PPP1CB: variants seen among roughly 807,000 people sequenced by gnomAD.
PPP1CB encodes the protein protein phosphatase 1 catalytic subunit beta, also known as serine/threonine-protein phosphatase PP1-beta catalytic subunit.
A neutral mutation model predicts 43.7 loss-of-function variants in PPP1CB; 2 were observed. The observed-to-expected ratio is 0.05, with a 90% CI of 0.02 to 0.14. The LOEUF is 0.14. Ranked by LOEUF, PPP1CB falls within the 10% of genes least tolerant of loss-of-function variation. PPP1CB has a pLI of 1.00. For missense variants in PPP1CB, 84 were observed against 398.0 expected, an observed-to-expected ratio of 0.21 and a Z score of 6.71; for synonymous variants, 136 against 135.6, an observed-to-expected ratio of 1.00 and a Z score of -0.02.
intron 5 of PPP1CB, among the ~76,000 whole-genome samples, chr2:28,786,843 G>T (rs185632678): frequency 1.9e-4 from 29 of 151,798 alleles, no homozygotes; most frequent in Non-Finnish European, 3.4e-4. Context: ...AAAGAGGCTG[G>T]AAAGTATGAA....
intron 3 of PPP1CB, among the ~76,000 whole-genome samples, chr2:28,779,783 CT>C (rs1265182330): frequency 2.6e-5 from 4 of 152,044 alleles, no homozygotes. Flanking sequence ...CCTATTCAAA[CT>C]CATATCTCCT....
chr2:28,773,616 G>T (rs1214376437), intron 1 of PPP1CB, among the ~76,000 whole-genome samples: 1 of 152,218 alleles, frequency 6.6e-6, no homozygotes, highest in Non-Finnish European at 1.5e-5. Context: ...CCTCATGGAT[G>T]CTGTGATAGC....
intron 1 of PPP1CB, among the ~76,000 whole-genome samples, chr2:28,772,869 A>G (rs1217044697): frequency 6.6e-6 from 1 of 152,196 alleles, no homozygotes; most frequent in African/African-American, 2.4e-5. Flanking sequence ...TGGATTTCAG[A>G]TTAGGGATAC....
rs114382494 is a variant in PPP1CB, at chr2:28,783,785, A to G, written c.521-122A>G. 160 of 679,686 alleles carry G rather than the reference A, an allele frequency of 2.4e-4. No individual in the cohort carries two copies. In the African/African-American group the frequency reaches 2.7e-3, roughly 11 times the overall value. The allele number at this position is 679,686 out of a possible 1,614,324, so 42.1% of individuals were successfully genotyped here. ...AAAAAAAAAAGACGTTAAAAGGAACACTTTTCAGTATCTTTAATTTCACAT... is the reference window on the plus strand; with the variant it reads ...AAAAAAAAAAGACGTTAAAAGGAACGCTTTTCAGTATCTTTAATTTCACAT... On this transcript the variant is annotated intron_variant, in intron 4 of 7. Coordinates refer to ENST00000395366, the MANE Select transcript of PPP1CB (RefSeq NM_002709.3).
chr2:28,765,239 T>TA (rs1475729973), intron 1 of PPP1CB, among the ~76,000 whole-genome samples: 2 of 152,232 alleles, frequency 1.3e-5, no homozygotes, highest in African/African-American at 4.8e-5. Flanking sequence ...GATTCAAAGT[T>TA]AATGTTCTCT....
chr2:28,756,416 C>T (rs777927850), intron 1 of PPP1CB, among the ~76,000 whole-genome samples: 1 of 152,162 alleles, frequency 6.6e-6, no homozygotes, highest in African/African-American at 2.4e-5. Flanking sequence ...TGTGACACTG[C>T]TTGTGATCTC....
chr2:28,802,878 T>C lies in PPP1CB; in HGVS notation c.*3575T>C, dbSNP rs894020548. On this transcript the variant is annotated 3_prime_UTR_variant, in exon 8 of 8. Transcript: ENST00000395366. ...GACCGTAAGCTTTTTAAGTTTCTCA[T>C]TGTAATTTACCTTCTCATGCAGATT... The C allele has an allele frequency of 1.3e-5, 2 of 152,238 alleles. No individual in the cohort carries two copies. The highest frequency in any genetic ancestry group is 4.8e-5 in the African/African-American group (2 of 41,468). The allele number at this position is 152,238 out of a possible 1,614,324, so 9.4% of individuals were successfully genotyped here.
chr2:28,773,410 G>A (rs945805845), intron 1 of PPP1CB, among the ~76,000 whole-genome samples: 1 of 152,114 alleles, frequency 6.6e-6, no homozygotes, highest in African/African-American at 2.4e-5. Context: ...TATAAAACCT[G>A]GGCACTGTGA....
intron 6 of PPP1CB, among the ~76,000 whole-genome samples, chr2:28,789,755 C>T (rs951096297): frequency 2.0e-5 from 3 of 151,688 alleles, no homozygotes; most frequent in South Asian, 2.1e-4. Flanking sequence ...CGCACCACCA[C>T]GCCTGGCTCA....
At chr2:28,753,119 G>T (rs774500047) in intron 1 of PPP1CB, among the ~76,000 whole-genome samples, 5 of 152,176 alleles carry the variant, frequency 3.3e-5, no homozygotes, top group Non-Finnish European at 7.3e-5. Context: ...GCAGTCTTCT[G>T]CCAAACAGTC....
chr2:28,796,449 A>G (rs574495519), intron 7 of PPP1CB, among the ~76,000 whole-genome samples: 1 of 152,198 alleles, frequency 6.6e-6, no homozygotes, highest in South Asian at 2.1e-4. Context: ...ATTTGTTTGC[A>G]TCACCTCTGA....
At chr2:28,775,648 A>T (rs1667022290) in intron 1 of PPP1CB, among the ~76,000 whole-genome samples, 1 of 152,102 alleles carries the variant, frequency 6.6e-6, no homozygotes, top group African/African-American at 2.4e-5. Flanking sequence ...AAGTGCTGGG[A>T]TTACAGGGGC....
chr2:28,773,218 A>G (rs933929345), intron 1 of PPP1CB, among the ~76,000 whole-genome samples: 5 of 152,224 alleles, frequency 3.3e-5, no homozygotes, highest in Non-Finnish European at 7.3e-5. Context: ...TCTAAACAGT[A>G]GTAAGTATGG....
intron 7 of PPP1CB, among the ~76,000 whole-genome samples, chr2:28,795,561 G>A (rs1016447882): frequency 6.6e-6 from 1 of 152,162 alleles, no homozygotes; most frequent in Non-Finnish European, 1.5e-5. Context: ...CATTAATAGT[G>A]ATGATGAGCA....
intron 5 of PPP1CB, among the ~76,000 whole-genome samples, chr2:28,786,770 G>A (rs1363180155): frequency 4.6e-4 from 13 of 27,994 alleles, no homozygotes; most frequent in South Asian, 2.7e-3. Flanking sequence ...GCGAGACTCC[G>A]TCTCAAAAAA....
intron 1 of PPP1CB, among the ~76,000 whole-genome samples, chr2:28,775,671 C>G (rs1162248015): frequency 6.6e-6 from 1 of 152,122 alleles, no homozygotes; most frequent in African/African-American, 2.4e-5. Flanking sequence ...GCTACTGCTC[C>G]CAGCCTATTT....
chr2:28,789,058 C>A (rs1224632779), intron 6 of PPP1CB, among the ~76,000 whole-genome samples: 1 of 152,010 alleles, frequency 6.6e-6, no homozygotes, highest in Admixed American at 6.6e-5. Context: ...TTCACATAAG[C>A]CCTCTCATTT....
At chr2:28,764,793 C>T (rs1666744945) in intron 1 of PPP1CB, among the ~76,000 whole-genome samples, 1 of 152,068 alleles carries the variant, frequency 6.6e-6, no homozygotes, top group African/African-American at 2.4e-5. Context: ...TGGTGGCACA[C>T]ACCTGTAATC....
intron 1 of PPP1CB, among the ~76,000 whole-genome samples, chr2:28,764,932 TTA>T (rs1358660161): frequency 2.6e-5 from 4 of 151,746 alleles, no homozygotes; most frequent in Non-Finnish European, 4.4e-5. Context: ...AAAAAAAAAT[TTA>T]TGAGACACCG....
Sources: gnomAD v4.1 joint callset for allele counts (sites outside exome capture counted in the v4.1 genomes callset) on GRCh38, gnomAD v4.1.1 for gene constraint, MANE v1.5 for transcripts, NCBI Gene and HGNC (gene_info 2026-07-23, HGNC 2026-07-21) for gene names.